TENT2: variants seen among roughly 807,000 people sequenced by gnomAD.
TENT2 encodes the protein terminal nucleotidyltransferase 2.
A neutral mutation model predicts 72.2 loss-of-function variants in TENT2; 44 were observed. The ratio of observed to expected loss-of-function variants is 0.61; its 90% CI spans 0.48 to 0.78. TENT2 has a LOEUF of 0.78. Among genes scored for constraint, TENT2 ranks in the 30% least tolerant of loss-of-function variants. The probability of loss-of-function intolerance (pLI) is 0.00; values close to 1 mark genes in which losing one functional copy is unlikely to be tolerated. For synonymous variants in TENT2, 212 were observed against 192.5 expected (o/e 1.10, Z -0.84); for missense variants, 541 against 569.6 (o/e 0.95, Z 0.51).
chr5:79,670,191 C>T (rs1811828077), intron 12 of TENT2, among the ~76,000 whole-genome samples: 1 of 149,998 alleles, frequency 6.7e-6, no homozygotes, highest in Admixed American at 6.6e-5. Context: ...TGCACTCCAG[C>T]CTGGGCAACA....
Position 79,649,209 on chromosome 5 carries a change from T to C in TENT2, c.1027+19T>C, listed in dbSNP as rs1194409983. 1.9e-6 allele frequency: 3 copies of C among 1,603,392 alleles called. No individual in the cohort carries two copies. The Admixed American group carries it at 5.1e-5, about 27-fold the overall frequency. On this transcript the variant is annotated intron_variant, in intron 10 of 14. Coordinates refer to ENST00000453514, the MANE Select transcript of TENT2 (RefSeq NM_001114394.3). The stretch of plus-strand genomic sequence containing the variant: ...TTACAAAGTAAGTATAATGGGGTTT[T>C]ACCCAATTTTTAAAAGTAAAAGACA...
chr5:79,640,588 C>A (rs771134882), intron 4 of TENT2, among the ~76,000 whole-genome samples: 2 of 152,114 alleles, frequency 1.3e-5, no homozygotes, highest in Non-Finnish European at 2.9e-5. Flanking sequence ...TTTGCTGACC[C>A]ATGGATTATT....
chr5:79,669,040 T>C lies in TENT2; in HGVS notation c.1208+12T>C, dbSNP rs760161008. 23 of 1,612,480 alleles carry C rather than the reference T, an allele frequency of 1.4e-5. No individual in the cohort carries two copies. The African/African-American group carries it at 3.1e-4, about 22-fold the overall frequency. ...GCTACAGAATTTGAGTAAGTAAAAC[T>C]TTAAATTGTGTTTGTTCACTTATAT... is the stretch of plus-strand genomic sequence containing the variant. On this transcript the variant is annotated intron_variant, in intron 12 of 14. Coordinates refer to ENST00000453514, the MANE Select transcript of TENT2 (RefSeq NM_001114394.3).
intron 8 of TENT2, among the ~76,000 whole-genome samples, chr5:79,645,840 CA>C (rs1190417413): frequency 3.0e-5 from 3 of 99,476 alleles, no homozygotes; most frequent in East Asian, 2.7e-4. Context: ...AAATTGTGCC[CA>C]CAAACACACA....
rs76217528 is a variant in TENT2 at position 79,666,769 on chromosome 5, A to G, written c.1072-2123A>G. Among the ~76,000 whole-genome samples, 281 of 152,336 alleles carry G rather than the reference A, an allele frequency of 1.8e-3. 2 individuals are homozygous for G. The highest frequency in any genetic ancestry group is 7.2e-3 in the South Asian group (35 of 4,834). On this transcript the variant is annotated intron_variant, in intron 11 of 14. Transcript: ENST00000453514. The stretch of plus-strand genomic sequence containing the variant: ...ACAGTTTCCATATAGAAGATTAGCC[A>G]GTCTAACTTACTTCAGAAAGTGCTT...
intron 1 of TENT2, among the ~76,000 whole-genome samples, chr5:79,615,338 A>G (rs1315932889): frequency 6.6e-6 from 1 of 152,218 alleles, no homozygotes; most frequent in Non-Finnish European, 1.5e-5. Flanking sequence ...GACCTTATTC[A>G]GTTATAGAGG....
chr5:79,675,883 G>T (rs1424261287), intron 12 of TENT2, among the ~76,000 whole-genome samples: 1 of 152,098 alleles, frequency 6.6e-6, no homozygotes, highest in Non-Finnish European at 1.5e-5. Flanking sequence ...AGAAACATCA[G>T]ATTATTGGAG....
chr5:79,640,748 C>G, intron 4 of TENT2, 103 bp from the exon 5 acceptor site: 1 of 611,528 alleles, frequency 1.6e-6, no homozygotes, highest in Non-Finnish European at 2.8e-6. Flanking sequence ...ATACATACTC[C>G]CTTTTAAAAT....
intron 1 of TENT2, chr5:79,617,389 A>G (rs1272179037): frequency 6.6e-6 from 1 of 151,970 alleles, no homozygotes; most frequent in East Asian, 1.9e-4. Flanking sequence ...TATATTACCT[A>G]TTGAGTGTTT....
chr5:79,623,801 T>C (rs772998453), intron 4 of TENT2, among the ~76,000 whole-genome samples: 3 of 151,646 alleles, frequency 2.0e-5, no homozygotes, highest in Non-Finnish European at 4.4e-5. Flanking sequence ...AGTTGTCATA[T>C]AGCTATTGTA....
chr5:79,617,026 GTC>G (rs766524628), intron 1 of TENT2, among the ~76,000 whole-genome samples: 3 of 151,558 alleles, frequency 2.0e-5, no homozygotes. Flanking sequence ...CTCCCCTGTT[GTC>G]TCTCATAGTT....
chr5:79,640,809 T>C (rs1034377471), intron 4 of TENT2, 42 bp from the exon 5 acceptor site: 5 of 1,318,936 alleles, frequency 3.8e-6, no homozygotes, highest in South Asian at 1.2e-5. Context: ...TACTTTTACA[T>C]TGCTGAACAA....
rs559124539 is a variant in TENT2 at position 79,686,596 on chromosome 5, T to C, written c.*1323T>C. On this transcript the variant is annotated 3_prime_UTR_variant, in exon 15 of 15. Transcript: ENST00000453514. Reference sequence around the variant, plus strand: ...GCACATTTTCATTTTCTTCCTTAAGTTCAAATTTTTGTATGATGTCAAATG... The same window carrying C: ...GCACATTTTCATTTTCTTCCTTAAGCTCAAATTTTTGTATGATGTCAAATG... The C allele has an allele frequency of 6.6e-6, 1 of 152,232 alleles. No individual in the cohort carries two copies. The allele number at this position is 152,232 out of a possible 1,614,324, so 9.4% of individuals were successfully genotyped here. A position where few individuals can be genotyped will look rare whatever the true frequency, so the allele number is the denominator to read the frequency against.
chr5:79,670,625 G>A (rs191636173), intron 12 of TENT2, among the ~76,000 whole-genome samples: 1 of 151,784 alleles, frequency 6.6e-6, no homozygotes, highest in Non-Finnish European at 1.5e-5. Flanking sequence ...GCTCGGCCAC[G>A]GAGCTTTCAT....
intron 4 of TENT2, among the ~76,000 whole-genome samples, chr5:79,630,445 G>T (rs1427497890): frequency 6.6e-6 from 1 of 152,114 alleles, no homozygotes; most frequent in Non-Finnish European, 1.5e-5. Context: ...TAGCTTCGTG[G>T]CAGGTGCCTG....
At chr5:79,656,113 A>T (rs1224614366) in intron 10 of TENT2, among the ~76,000 whole-genome samples, 2 of 151,972 alleles carry the variant, frequency 1.3e-5, no homozygotes, top group African/African-American at 4.8e-5. Context: ...AAATTTGAAA[A>T]TGTATTACTT....
chr5:79,640,170 C>A (rs11959540), intron 4 of TENT2, among the ~76,000 whole-genome samples: 30,761 of 151,520 alleles, frequency 0.2, 4,618 homozygotes, highest in African/African-American at 0.42. Context: ...GCAGGAGAAC[C>A]GCTTGAACCC....
intron 3 of TENT2, among the ~76,000 whole-genome samples, chr5:79,621,413 T>A (rs1764689644): frequency 6.6e-6 from 1 of 152,210 alleles, no homozygotes; most frequent in African/African-American, 2.4e-5. Context: ...TTATTCAGAT[T>A]TTATTTTTTA....
In TENT2 at chr5:79,642,881, T is replaced by C; in HGVS notation, c.722T>C (p.Leu241Ser). The change falls in exon 7 of 15, where the codon TTA (leucine) becomes TCA (serine). Residue 241 changes from leucine to serine, a missense_variant. Transcript: ENST00000453514. ...QKTEARHILT[L>S]VHKHFCTRLS... Reference sequence around the variant, plus strand: ...ACTGAAGCACGGCATATACTCACCTTAGTCCATAAACACTTCTGTACTAGA... The same window carrying C: ...ACTGAAGCACGGCATATACTCACCTCAGTCCATAAACACTTCTGTACTAGA... 6.2e-7 allele frequency: 1 copy of C among 1,612,204 alleles called. No individual in the cohort carries two copies. The highest frequency in any genetic ancestry group is 1.7e-5 in the Admixed American group (1 of 59,902).
Sources: gnomAD v4.1 joint callset for allele counts (sites outside exome capture counted in the v4.1 genomes callset) on GRCh38, gnomAD v4.1.1 for gene constraint, MANE v1.5 for transcripts, NCBI Gene and HGNC (gene_info 2026-07-23, HGNC 2026-07-21) for gene names.